Variants in RARB observed in about 807,000 individuals in gnomAD.
RARB encodes retinoic acid receptor beta.
A neutral mutation model predicts 51.9 loss-of-function variants in RARB; 17 were observed. The ratio of observed to expected loss-of-function variants is 0.33; its 90% CI spans 0.22 to 0.49. The LOEUF (loss-of-function observed/expected upper bound fraction) is 0.49. RARB is among the 20% of genes least tolerant of loss of function. RARB has a pLI of 0.99. For synonymous variants in RARB, 215 were observed against 195.4 expected, an observed-to-expected ratio of 1.10 and a Z score of -0.84; for missense variants, 369 against 550.8, an observed-to-expected ratio of 0.67 and a Z score of 3.30.
intron 5 of RARB, among the ~76,000 whole-genome samples, chr3:25,252,798 G>C (rs1342823411): frequency 1.3e-5 from 2 of 152,076 alleles, no homozygotes; most frequent in Non-Finnish European, 2.9e-5. Flanking sequence ...TCTTCTCCAG[G>C]AGAACAGTAG....
intron 2 of RARB, among the ~76,000 whole-genome samples, chr3:24,912,936 T>G (rs1278466390): frequency 6.7e-6 from 1 of 148,770 alleles, no homozygotes; most frequent in Non-Finnish European, 1.5e-5. Context: ...ATGTGACCCA[T>G]GGTATCTAAA....
chr3:25,576,853 G>A (rs2125299144), intron 4 of RARB, among the ~76,000 whole-genome samples: 1 of 152,338 alleles, frequency 6.6e-6, no homozygotes, highest in South Asian at 2.1e-4. Context: ...AAATGCTGCA[G>A]GCGTGTTGGG....
At chr3:24,910,827 A>G (rs538852678) in intron 2 of RARB, among the ~76,000 whole-genome samples, 1 of 152,348 alleles carries the variant, frequency 6.6e-6, no homozygotes, top group Admixed American at 6.5e-5. Context: ...CTGCTGCTGC[A>G]TTACACTGGC....
intron 3 of RARB, among the ~76,000 whole-genome samples, chr3:25,515,233 C>T (rs1698099841): frequency 6.6e-6 from 1 of 152,172 alleles, no homozygotes; most frequent in Non-Finnish European, 1.5e-5. Context: ...AAGTGTGGTG[C>T]TTTACTCCAC....
intron 5 of RARB, among the ~76,000 whole-genome samples, chr3:25,328,881 G>C (rs147990371): frequency 6.6e-6 from 1 of 152,170 alleles, no homozygotes; most frequent in Non-Finnish European, 1.5e-5. Context: ...ATTATGTCCC[G>C]TGCCTGGCTC....
At chr3:25,519,607 A>G (rs1164751069) in intron 3 of RARB, among the ~76,000 whole-genome samples, 2 of 152,208 alleles carry the variant, frequency 1.3e-5, no homozygotes, top group Non-Finnish European at 2.9e-5. Context: ...TCATATTTGT[A>G]ACAACACATA....
At chr3:25,104,180 C>A (rs1174509956) in intron 3 of RARB, among the ~76,000 whole-genome samples, 1 of 152,112 alleles carries the variant, frequency 6.6e-6, no homozygotes. Context: ...TGTGATTATA[C>A]CGTACACCTG....
chr3:25,501,572 CTG>C (rs1697318426), intron 3 of RARB, among the ~76,000 whole-genome samples: 1 of 152,324 alleles, frequency 6.6e-6, no homozygotes, highest in East Asian at 1.9e-4. Context: ...GGCTAACTCA[CTG>C]TGGATCCCAG....
chr3:25,309,252 T>A (rs1380034143), intron 5 of RARB, among the ~76,000 whole-genome samples: 1 of 147,132 alleles, frequency 6.8e-6, no homozygotes, highest in Non-Finnish European at 1.5e-5. Flanking sequence ...GCCATTCTCC[T>A]GCCTCAGCCT....
chr3:25,428,256 A>T, upstream of RARB: 1 of 1,232,916 alleles, frequency 8.1e-7, no homozygotes, highest in Non-Finnish European at 1.0e-6. Context: ...TCAATCTTTC[A>T]TTCTGTGTGA....
At chr3:25,446,086 C>T (rs1708918966) in intron 1 of RARB, among the ~76,000 whole-genome samples, 1 of 152,182 alleles carries the variant, frequency 6.6e-6, no homozygotes, top group Admixed American at 6.5e-5. Flanking sequence ...GACATATTGA[C>T]CTCCCTAACT....
chr3:25,417,446 C>G (rs571034503), intron 5 of RARB, among the ~76,000 whole-genome samples: 2 of 152,046 alleles, frequency 1.3e-5, no homozygotes, highest in Non-Finnish European at 2.9e-5. Context: ...CTGACTCCCC[C>G]CAAGGGACAT....
At chr3:25,072,694 G>A (rs996632671) in intron 3 of RARB, among the ~76,000 whole-genome samples, 3 of 151,472 alleles carry the variant, frequency 2.0e-5, no homozygotes, top group Admixed American at 2.0e-4. Flanking sequence ...CCTACAAGGA[G>A]GGTTTCTTTA....
intron 5 of RARB, among the ~76,000 whole-genome samples, chr3:25,337,073 G>A (rs746017114): frequency 3.9e-5 from 6 of 152,186 alleles, no homozygotes; most frequent in Non-Finnish European, 8.8e-5. Flanking sequence ...TTAGATCTCA[G>A]CATCAGAATG....
rs950718526 is a variant in RARB at position 25,501,427 on chromosome 3, G to T, written c.448+104G>T. ...TCACACACGACACTAACGAAATCTTGCCAAGGGTAGGTGTGAATAGAGATG... is the reference window on the plus strand; with the variant it reads ...TCACACACGACACTAACGAAATCTTTCCAAGGGTAGGTGTGAATAGAGATG... On this transcript the variant is annotated intron_variant, in intron 3 of 7. Transcript: ENST00000330688. 8.5e-6 allele frequency: 12 copies of T among 1,415,454 alleles called. No homozygotes were observed. The African/African-American group carries it at 1.2e-4, about 14-fold the overall frequency. 87.7% of individuals were successfully genotyped at this position (1,415,454 alleles called of 1,614,324 possible). A position where few individuals can be genotyped will look rare whatever the true frequency, so the allele number is the denominator to read the frequency against.
chr3:25,293,078 C>G (rs1449495677), intron 5 of RARB, among the ~76,000 whole-genome samples: 1 of 152,108 alleles, frequency 6.6e-6, no homozygotes, highest in Admixed American at 6.6e-5. Context: ...AAGATTAGCT[C>G]TCCTAGTTAT....
At chr3:25,590,999 T>A (rs937632025) in intron 5 of RARB, among the ~76,000 whole-genome samples, 3 of 152,172 alleles carry the variant, frequency 2.0e-5, no homozygotes, top group African/African-American at 7.2e-5. Flanking sequence ...TTCTTACTGC[T>A]GTGACATTGG....
intron 3 of RARB, among the ~76,000 whole-genome samples, chr3:25,066,778 C>A (rs1698672772): frequency 6.6e-6 from 1 of 151,960 alleles, no homozygotes; most frequent in Admixed American, 6.5e-5. Context: ...TAAAAATTAT[C>A]TTTGTTAATT....
intron 5 of RARB, among the ~76,000 whole-genome samples, chr3:25,374,186 A>G (rs1036405381): frequency 6.6e-6 from 1 of 152,150 alleles, no homozygotes; most frequent in Non-Finnish European, 1.5e-5. Context: ...GTCAGCACCT[A>G]GAGAGCACAG....
Sources: gnomAD v4.1 joint callset for allele counts (sites outside exome capture counted in the v4.1 genomes callset) on GRCh38, gnomAD v4.1.1 for gene constraint, MANE v1.5 for transcripts, NCBI Gene and HGNC (gene_info 2026-07-23, HGNC 2026-07-21) for gene names.